The following PRKCH variants were observed in gnomAD, a reference collection of about 807,000 sequenced individuals.
PRKCH encodes protein kinase C eta type.
In PRKCH, 28 loss-of-function variants were observed where a neutral mutation model predicts 82.5. That is an observed-to-expected ratio of 0.34 (90% confidence interval 0.25 to 0.47). The LOEUF (loss-of-function observed/expected upper bound fraction) is 0.47. Among genes scored for constraint, PRKCH ranks in the 20% least tolerant of loss-of-function variants. The pLI, the probability that PRKCH is intolerant of heterozygous loss-of-function variation, is 1.00. For synonymous variants in PRKCH, 322 were observed against 327.4 expected (o/e 0.98, Z 0.18); for missense variants, 705 against 881.8 (o/e 0.80, Z 2.54).
At chr14:61,513,049 G>A (rs1281911109) in intron 10 of PRKCH, among the ~76,000 whole-genome samples, 3 of 152,114 alleles carry the variant, frequency 2.0e-5, no homozygotes, top group Non-Finnish European at 4.4e-5. Context: ...TACAGTAACA[G>A]TAGGATCAGA....
intron 10 of PRKCH, among the ~76,000 whole-genome samples, chr14:61,526,356 C>T (rs1410459551): frequency 6.6e-6 from 1 of 152,234 alleles, no homozygotes; most frequent in African/African-American, 2.4e-5. Context: ...CCTTATGCCC[C>T]TGACACCCGG....
chr14:61,431,501 C>T (rs974437303), intron 2 of PRKCH, among the ~76,000 whole-genome samples: 5 of 152,360 alleles, frequency 3.3e-5, no homozygotes, highest in South Asian at 2.1e-4. Context: ...CTTATCCTCT[C>T]TGGCCAAATT....
chr14:61,351,448 T>G (rs2046072625), intron 1 of PRKCH, among the ~76,000 whole-genome samples: 1 of 152,188 alleles, frequency 6.6e-6, no homozygotes, highest in Non-Finnish European at 1.5e-5. Flanking sequence ...GACTGATTTT[T>G]GGTAGCATTA....
rs1885881036 is a variant in PRKCH, at chr14:61,479,668, G to A, written c.1279-5834G>A. On this transcript the variant is annotated intron_variant, in intron 9 of 13. Coordinates refer to ENST00000332981, the MANE Select transcript of PRKCH (RefSeq NM_006255.5). ...ACAGCCCTTAATGAGGGGGCCTTAG[G>A]GAATGCACCTTACTTATACTGACAG... is the stretch of plus-strand genomic sequence containing the variant. Among the ~76,000 whole-genome samples, 7 of 152,298 alleles carry A rather than the reference G, an allele frequency of 4.6e-5. No homozygotes were observed. In the South Asian group the frequency reaches 1.5e-3, roughly 32 times the overall value.
At chr14:61,197,890 G>A (rs1482466842) in intron 1 of PRKCH, among the ~76,000 whole-genome samples, 1 of 152,162 alleles carries the variant, frequency 6.6e-6, no homozygotes, top group African/African-American at 2.4e-5. Flanking sequence ...TCCAACTGTA[G>A]ATAATTCTCA....
At chr14:61,378,225 T>TTTTTC (rs1566846528) in intron 1 of PRKCH, among the ~76,000 whole-genome samples, 1 of 102,102 alleles carries the variant, frequency 9.8e-6, no homozygotes, top group African/African-American at 5.9e-5. Context: ...TTTCTTTTTC[T>TTTTTC]TTTTTTTTTT....
intron 12 of PRKCH, among the ~76,000 whole-genome samples, chr14:61,545,812 A>G (rs2043248707): frequency 6.6e-6 from 1 of 152,144 alleles, no homozygotes; most frequent in Non-Finnish European, 1.5e-5. Context: ...GCCCCATGGA[A>G]GCTTGGGTTC....
chr14:61,230,790 T>C (rs2044737122), intron 1 of PRKCH, among the ~76,000 whole-genome samples: 1 of 152,190 alleles, frequency 6.6e-6, no homozygotes, highest in South Asian at 2.1e-4. Flanking sequence ...AATTCAGAAC[T>C]CTGCCCTCAG....
chr14:61,207,522 T>A (rs959784602), intron 1 of PRKCH, among the ~76,000 whole-genome samples: 10 of 152,192 alleles, frequency 6.6e-5, no homozygotes, highest in African/African-American at 2.4e-4. Context: ...TGCAGTTTTT[T>A]ATTTTGCCTA....
In PRKCH at chr14:61,249,568, T is replaced by A. The variant is rs922738072; in HGVS notation, c.-19+61900T>A. 2.0e-5 allele frequency among the ~76,000 whole-genome samples: 3 copies of A among 150,300 alleles called. No individual in the cohort carries two copies. The South Asian group carries it at 6.3e-4, about 32-fold the overall frequency. On this transcript the variant is annotated intron_variant, in intron 1 of 3. Coordinates refer to the PRKCH transcript ENST00000555185. ...AGTGTTGACATAAGTGTGAAGACCA[T>A]GATAAACAGGTATAGAGATTACCAT... is the stretch of plus-strand genomic sequence containing the variant.
At chr14:61,345,292 G>T (rs984621169) in intron 1 of PRKCH, among the ~76,000 whole-genome samples, 1 of 152,160 alleles carries the variant, frequency 6.6e-6, no homozygotes, top group Non-Finnish European at 1.5e-5. Flanking sequence ...GGTTATAAAC[G>T]TACTTAGTTT....
At chr14:61,428,575 G>A (rs1453879665) in intron 2 of PRKCH, among the ~76,000 whole-genome samples, 1 of 152,164 alleles carries the variant, frequency 6.6e-6, no homozygotes, top group East Asian at 1.9e-4. Context: ...GTCTCTACCA[G>A]ATGCTGAGAA....
intron 2 of PRKCH, among the ~76,000 whole-genome samples, chr14:61,394,396 A>G (rs777548088): frequency 1.3e-5 from 2 of 152,196 alleles, no homozygotes; most frequent in East Asian, 3.8e-4. Context: ...AATAAAATCA[A>G]TGTAGTATTA....
intron 4 of PRKCH, among the ~76,000 whole-genome samples, chr14:61,447,201 C>T (rs1420558433): frequency 1.3e-5 from 2 of 152,192 alleles, no homozygotes; most frequent in African/African-American, 4.8e-5. Flanking sequence ...GAAGACTTAA[C>T]ATTTTTATTT....
At chr14:61,379,172 T>G (rs2046464675) in intron 1 of PRKCH, among the ~76,000 whole-genome samples, 1 of 152,228 alleles carries the variant, frequency 6.6e-6, no homozygotes, top group South Asian at 2.1e-4. Flanking sequence ...ATACATCTTC[T>G]GTGCATTTGC....
intron 1 of PRKCH, among the ~76,000 whole-genome samples, chr14:61,261,123 A>G (rs1171279258): frequency 6.6e-6 from 1 of 152,182 alleles, no homozygotes; most frequent in African/African-American, 2.4e-5. Context: ...CAAACAAACC[A>G]ACAAACCCAG....
intron 1 of PRKCH, among the ~76,000 whole-genome samples, chr14:61,339,646 T>TA (rs1555376750): frequency 8.3e-6 from 1 of 120,748 alleles, no homozygotes; most frequent in African/African-American, 3.4e-5. Flanking sequence ...TTTTTTTTTT[T>TA]ATAATTAAAG....
At chr14:61,332,769 C>T (rs1203969249) in intron 1 of PRKCH, among the ~76,000 whole-genome samples, 3 of 152,232 alleles carry the variant, frequency 2.0e-5, no homozygotes, top group East Asian at 1.9e-4. Context: ...CATATTTATT[C>T]GTAAGTCACA....
chr14:61,526,870 C>G (rs971644228), intron 10 of PRKCH, among the ~76,000 whole-genome samples: 11 of 152,376 alleles, frequency 7.2e-5, no homozygotes, highest in South Asian at 6.2e-4. Context: ...TAGCATCCCC[C>G]CCGTGACCTG....
Sources: gnomAD v4.1 joint callset for allele counts (sites outside exome capture counted in the v4.1 genomes callset) on GRCh38, gnomAD v4.1.1 for gene constraint, MANE v1.5 for transcripts, NCBI Gene and HGNC (gene_info 2026-07-23, HGNC 2026-07-21) for gene names.